PUM2: variants seen among roughly 807,000 people sequenced by gnomAD.
PUM2 encodes pumilio RNA binding family member 2.
A neutral mutation model predicts 124.5 loss-of-function variants in PUM2; 57 were observed. That is an observed-to-expected ratio of 0.46 (90% CI 0.37 to 0.57). The LOEUF (loss-of-function observed/expected upper bound fraction) is 0.57. Ranked by LOEUF, PUM2 falls within the 20% of genes least tolerant of loss-of-function variation. The pLI is 0.00. For missense variants in PUM2, 1,065 were observed against 1,290.6 expected, an observed-to-expected ratio of 0.83 and a Z score of 2.68; for synonymous variants, 460 against 446.1, an observed-to-expected ratio of 1.03 and a Z score of -0.39.
intron 10 of PUM2, among the ~76,000 whole-genome samples, chr2:20,288,994 T>C (rs1160670100): frequency 6.6e-6 from 1 of 152,090 alleles, no homozygotes; most frequent in Non-Finnish European, 1.5e-5. Context: ...AGTAATCCAC[T>C]TTAAGACATG....
At chr2:20,277,338 T>C (rs1370615466) in intron 13 of PUM2, among the ~76,000 whole-genome samples, 2 of 152,032 alleles carry the variant, frequency 1.3e-5, no homozygotes, top group East Asian at 3.9e-4. Context: ...TAAGAATACA[T>C]GATAAATGAA....
chr2:20,277,075 T>G (rs1670438564), intron 13 of PUM2, among the ~76,000 whole-genome samples: 2 of 152,112 alleles, frequency 1.3e-5, no homozygotes, highest in Non-Finnish European at 2.9e-5. Flanking sequence ...GTGTAGAACC[T>G]ATTTACTGCC....
chr2:20,248,939 A>AT lies in PUM2; in HGVS notation c.*2645dup, dbSNP rs1662634148. 1 of 152,380 alleles carries AT rather than the reference A, an allele frequency of 6.6e-6. No homozygotes were observed. Among genetic ancestry groups the AT allele is most frequent in the Admixed American group, 6.5e-5 (1 of 15,278 alleles). 9.4% of individuals were successfully genotyped at this position (152,380 alleles called of 1,614,324 possible). ...CCCAATTGTTTTATTCTGAAATGTG[A>AT]TTTTCAGATTTTACCAAAATTTCAT... On this transcript the variant is annotated 3_prime_UTR_variant, in exon 21 of 21. Coordinates refer to ENST00000361078, the MANE Select transcript of PUM2 (RefSeq NM_015317.5).
At chr2:20,294,751 C>G (rs1452021214) in intron 8 of PUM2, among the ~76,000 whole-genome samples, 2 of 152,196 alleles carry the variant, frequency 1.3e-5, no homozygotes, top group East Asian at 3.8e-4. Flanking sequence ...TGATAGGACA[C>G]TTAACCATCT....
chr2:20,327,238 A>T, intron 2 of PUM2, 72 bp downstream of exon 2: 8 of 356,912 alleles, frequency 2.2e-5, no homozygotes, highest in Non-Finnish European at 2.8e-5. Context: ...GGAGATGGTT[A>T]AAAAAAAAAA....
rs1053757571 is a variant in PUM2, at chr2:20,272,627, A to C, written c.1957+5956T>G. 9.2e-5 allele frequency among the ~76,000 whole-genome samples: 14 copies of C among 152,120 alleles called. No homozygotes were observed. In the East Asian group the frequency reaches 1.3e-3, roughly 15 times the overall value. On this transcript the variant is annotated intron_variant, in intron 13 of 20. Coordinates refer to ENST00000361078, the MANE Select transcript of PUM2 (RefSeq NM_015317.5). Reference sequence around the variant, plus strand: ...TAAGTTTTCTAACTTTGCTTTTCAAAACTGTCTTCACTACTTTTGGTTCTG... The same window carrying C: ...TAAGTTTTCTAACTTTGCTTTTCAACACTGTCTTCACTACTTTTGGTTCTG...
chr2:20,318,808 C>T (rs112638214), intron 2 of PUM2, among the ~76,000 whole-genome samples, 163 bp from the exon 3 acceptor site: 1 of 152,080 alleles, frequency 6.6e-6, no homozygotes, highest in Non-Finnish European at 1.5e-5. Flanking sequence ...TAAATTAACT[C>T]CCCATTTATT....
chr2:20,340,519 G>A (rs1687020787), intron 1 of PUM2, among the ~76,000 whole-genome samples: 1 of 152,230 alleles, frequency 6.6e-6, no homozygotes, highest in Non-Finnish European at 1.5e-5. Context: ...GAGATCACTA[G>A]TTCTCAAACA....
At chr2:20,261,115 G>A (rs1184620637) in intron 14 of PUM2, among the ~76,000 whole-genome samples, 5 of 152,242 alleles carry the variant, frequency 3.3e-5, no homozygotes, top group African/African-American at 4.8e-5. Flanking sequence ...GTATGGCCGG[G>A]TGCAGTGGCT....
intron 10 of PUM2, among the ~76,000 whole-genome samples, chr2:20,285,590 T>C (rs1672541252): frequency 7.9e-5 from 12 of 152,112 alleles, no homozygotes; most frequent in Admixed American, 7.9e-4. Context: ...CAGCATGATA[T>C]TTTTTCCCAC....
chr2:20,284,325 C>T (rs1345429919), intron 10 of PUM2, among the ~76,000 whole-genome samples: 1 of 152,142 alleles, frequency 6.6e-6, no homozygotes, highest in Non-Finnish European at 1.5e-5. Context: ...GGCCCAATAA[C>T]CTTACAACTA....
rs114971251 is a variant in PUM2, at chr2:20,329,685, G to A, written c.-18-2307C>T. ...TGTTTCCACTGCTACTAGGTAAAAC[G>A]GGTCTTAGGGTTACAGCGGGCCATT... On this transcript the variant is annotated intron_variant, in intron 1 of 20. Coordinates refer to ENST00000361078, the MANE Select transcript of PUM2 (RefSeq NM_015317.5). 9.0e-3 allele frequency among the ~76,000 whole-genome samples: 1,373 copies of A among 152,114 alleles called. 24 individuals carry two copies. Among genetic ancestry groups the A allele is most frequent in the African/African-American group, 0.03 (1,252 of 41,494 alleles).
chr2:20,287,398 A>C (rs548759685), intron 10 of PUM2, among the ~76,000 whole-genome samples: 3 of 152,356 alleles, frequency 2.0e-5, no homozygotes, highest in South Asian at 2.1e-4. Context: ...CCATATTAAA[A>C]GATGAGAAGG....
In PUM2 at chr2:20,312,222, T is replaced by C. The variant is rs185658434; in HGVS notation, c.348+14A>G. On this transcript the variant is annotated intron_variant, in intron 4 of 20. Transcript: ENST00000361078. ...CAAGCAAATATTAAATATTTCTTTATTCAAAATACTTACAAAATTTCCCTT... is the reference window on the plus strand; with the variant it reads ...CAAGCAAATATTAAATATTTCTTTACTCAAAATACTTACAAAATTTCCCTT... The C allele has an allele frequency of 3.1e-3, 4,828 of 1,556,402 alleles. 17 individuals are homozygous for C. Among genetic ancestry groups the C allele is most frequent in the Admixed American group, 5.7e-3 (317 of 55,874 alleles).
chr2:20,267,041 T>G (rs543683962), intron 13 of PUM2, among the ~76,000 whole-genome samples: 1 of 151,968 alleles, frequency 6.6e-6, no homozygotes, highest in East Asian at 1.9e-4. Context: ...TTTTTTTTTT[T>G]GAGACAGGTC....
intron 5 of PUM2, 135 bp downstream of exon 5, chr2:20,311,358 TA>T: frequency 9.3e-7 from 1 of 1,070,970 alleles, no homozygotes; most frequent in Non-Finnish European, 1.3e-6. Context: ...AGTAAAAAAC[TA>T]AAATTTGTCC....
At chr2:20,318,929 C>T (rs1681651037) in intron 2 of PUM2, among the ~76,000 whole-genome samples, 1 of 152,210 alleles carries the variant, frequency 6.6e-6, no homozygotes, top group African/African-American at 2.4e-5. Flanking sequence ...ATTCAAAAGG[C>T]TTATTAAATT....
At chr2:20,292,464 G>C (rs1260302835) in intron 9 of PUM2, among the ~76,000 whole-genome samples, 2 of 151,986 alleles carry the variant, frequency 1.3e-5, no homozygotes, top group Non-Finnish European at 2.9e-5. Context: ...CTGGATTCAA[G>C]TGCTTCTCCC....
intron 1 of PUM2, among the ~76,000 whole-genome samples, chr2:20,348,815 G>A (rs1363578194): frequency 1.3e-5 from 2 of 152,218 alleles, no homozygotes; most frequent in African/African-American, 2.4e-5. Flanking sequence ...CCCAGCTACA[G>A]TTACTCGGAA....
Sources: gnomAD v4.1 joint callset for allele counts (sites outside exome capture counted in the v4.1 genomes callset) on GRCh38, gnomAD v4.1.1 for gene constraint, MANE v1.5 for transcripts, NCBI Gene and HGNC (gene_info 2026-07-23, HGNC 2026-07-21) for gene names.